The following DCDC1 variants were observed in gnomAD, a reference collection of about 807,000 sequenced individuals.
DCDC1 encodes the protein doublecortin domain-containing protein 1.
Under a neutral mutation model 178.3 loss-of-function variants are expected in DCDC1, and 200 were observed. The ratio of observed to expected loss-of-function variants is 1.12; its 90% CI spans 1.00 to 1.26. The LOEUF is 1.26. DCDC1 is among the 50% of genes most tolerant of loss of function. DCDC1 has a pLI of 0.00. For synonymous variants in DCDC1, 690 were observed against 604.8 expected (o/e 1.14, Z -2.07); for missense variants, 1,983 against 1,749.2 (o/e 1.13, Z -2.38).
chr11:31,119,837 T>C (rs759510728), intron 11 of DCDC1, among the ~76,000 whole-genome samples: 13 of 152,040 alleles, frequency 8.6e-5, no homozygotes, highest in Non-Finnish European at 1.6e-4. Context: ...TAAAGAGGCC[T>C]GGGAACTTAA....
chr11:31,050,525 G>A (rs951512605), intron 20 of DCDC1, among the ~76,000 whole-genome samples: 16 of 152,184 alleles, frequency 1.1e-4, no homozygotes, highest in African/African-American at 1.9e-4. Flanking sequence ...GGAAAGCACC[G>A]TGTCCTGGCA....
At chr11:31,111,251 T>C (rs1959170658) in intron 11 of DCDC1, among the ~76,000 whole-genome samples, 1 of 151,964 alleles carries the variant, frequency 6.6e-6, no homozygotes, top group South Asian at 2.1e-4. Flanking sequence ...TTTCTAGTGC[T>C]ATTTCCAGAG....
intron 9 of DCDC1, among the ~76,000 whole-genome samples, chr11:31,146,175 G>A (rs2136063180): frequency 6.6e-6 from 1 of 151,722 alleles, no homozygotes; most frequent in East Asian, 1.9e-4. Flanking sequence ...CAGGTTCAAG[G>A]ATTCTTTGAC....
chr11:30,922,774 A>G (rs1442253960), intron 23 of DCDC1, 136 bp from the exon 24 acceptor site: 24 of 790,848 alleles, frequency 3.0e-5, no homozygotes, highest in Non-Finnish European at 3.7e-5. Flanking sequence ...AAAACTGTGT[A>G]CCACTCAGTA....
intron 20 of DCDC1, among the ~76,000 whole-genome samples, chr11:31,044,331 G>T (rs886748751): frequency 1.3e-5 from 2 of 152,028 alleles, no homozygotes; most frequent in African/African-American, 4.8e-5. Flanking sequence ...CAAAAAATTA[G>T]CCGGGCGTGG....
chr11:31,289,287 G>A (rs545521267), intron 7 of DCDC1, among the ~76,000 whole-genome samples: 1 of 152,070 alleles, frequency 6.6e-6, no homozygotes, highest in East Asian at 1.9e-4. Flanking sequence ...AAGAATGACT[G>A]CATTTTAACA....
intron 24 of DCDC1, among the ~76,000 whole-genome samples, chr11:30,921,602 AT>A (rs1056842653): frequency 1.3e-5 from 2 of 152,142 alleles, no homozygotes; most frequent in African/African-American, 4.8e-5. Flanking sequence ...TAACTTCAGG[AT>A]TGACCTGGAG....
intron 7 of DCDC1, chr11:31,280,817 C>A (rs1464006705): frequency 1.6e-6 from 1 of 619,278 alleles, no homozygotes; most frequent in Non-Finnish European, 3.1e-6. Context: ...CCAGGTGATG[C>A]CTTTGTTCTT....
At chr11:31,181,482 G>A (rs942373653) in intron 9 of DCDC1, among the ~76,000 whole-genome samples, 1 of 152,316 alleles carries the variant, frequency 6.6e-6, no homozygotes, top group African/African-American at 2.4e-5. Flanking sequence ...CTGGCATCTG[G>A]TGGGTGCCCC....
intron 20 of DCDC1, among the ~76,000 whole-genome samples, chr11:30,956,162 G>A (rs1948759715): frequency 6.6e-6 from 1 of 152,176 alleles, no homozygotes; most frequent in Non-Finnish European, 1.5e-5. Flanking sequence ...TCATGTTGGG[G>A]AAAATTGGAG....
intron 21 of DCDC1, among the ~76,000 whole-genome samples, chr11:30,940,887 A>G (rs1947595698): frequency 6.6e-6 from 1 of 152,178 alleles, no homozygotes; most frequent in Non-Finnish European, 1.5e-5. Context: ...ATTTAAGGCT[A>G]TAAATTTCCT....
At chr11:31,306,179 A>C (rs192802611) in intron 5 of DCDC1, 53 bp downstream of exon 5, 43 of 1,392,032 alleles carry the variant, frequency 3.1e-5, no homozygotes, top group Non-Finnish European at 4.0e-5. Context: ...TTATATTATA[A>C]AGAGAGTAAG....
intron 20 of DCDC1, among the ~76,000 whole-genome samples, chr11:31,062,794 TA>T (rs1299434450): frequency 2.0e-5 from 3 of 151,974 alleles, no homozygotes; most frequent in African/African-American, 4.8e-5. Context: ...TTTTCTTTTT[TA>T]AAATTTTATT....
chr11:31,157,756 C>T (rs1365243212), intron 9 of DCDC1, among the ~76,000 whole-genome samples: 1 of 152,040 alleles, frequency 6.6e-6, no homozygotes, highest in Non-Finnish European at 1.5e-5. Flanking sequence ...TCTAGAAATG[C>T]ATGGCAATGA....
At chr11:31,145,086 C>G (rs918953609) in intron 9 of DCDC1, among the ~76,000 whole-genome samples, 1 of 152,114 alleles carries the variant, frequency 6.6e-6, no homozygotes, top group African/African-American at 2.4e-5. Context: ...TTAATAGTAC[C>G]TATTTCATAA....
chr11:31,013,406 G>A (rs1253958819), intron 20 of DCDC1, among the ~76,000 whole-genome samples: 1 of 152,116 alleles, frequency 6.6e-6, no homozygotes, highest in Admixed American at 6.5e-5. Context: ...TTTTGTCCCA[G>A]TGTAACGCAA....
intron 21 of DCDC1, among the ~76,000 whole-genome samples, chr11:30,940,438 T>C (rs972629108): frequency 3.3e-5 from 5 of 152,158 alleles, no homozygotes; most frequent in African/African-American, 9.6e-5. Flanking sequence ...TTTCCTGCTA[T>C]ATAAACCCCT....
intron 9 of DCDC1, among the ~76,000 whole-genome samples, chr11:31,204,910 C>G (rs1971699246): frequency 6.6e-6 from 1 of 152,132 alleles, no homozygotes; most frequent in South Asian, 2.1e-4. Flanking sequence ...CCTAACATTT[C>G]TCTACTTTGT....
At chr11:30,930,049 A>G (rs907510693) in intron 22 of DCDC1, among the ~76,000 whole-genome samples, 4 of 152,138 alleles carry the variant, frequency 2.6e-5, no homozygotes, top group Non-Finnish European at 5.9e-5. Flanking sequence ...TCTATATTTC[A>G]TACTTCCAGC....
Sources: gnomAD v4.1 joint callset for allele counts (sites outside exome capture counted in the v4.1 genomes callset) on GRCh38, gnomAD v4.1.1 for gene constraint, MANE v1.5 for transcripts, NCBI Gene and HGNC (gene_info 2026-07-23, HGNC 2026-07-21) for gene names.